MYO16: variants seen among roughly 807,000 people sequenced by gnomAD.
MYO16 encodes unconventional myosin-XVI.
Under a neutral mutation model 205.3 loss-of-function variants are expected in MYO16, and 94 were observed. The observed-to-expected ratio is 0.46, with a 90% CI of 0.39 to 0.54. The LOEUF (loss-of-function observed/expected upper bound fraction) is 0.54. Ranked by LOEUF, MYO16 falls within the 20% of genes least tolerant of loss-of-function variation. MYO16 has a pLI of 0.00. For missense variants in MYO16, 2,315 were observed against 2,387.5 expected, an observed-to-expected ratio of 0.97 and a Z score of 0.63; for synonymous variants, 988 against 954.0, an observed-to-expected ratio of 1.04 and a Z score of -0.66.
intron 23 of MYO16, among the ~76,000 whole-genome samples, chr13:109,022,384 A>T (rs62647036): frequency 0.52 from 51,710 of 100,388 alleles, 12,863 homozygotes; most frequent in East Asian, 0.7. Flanking sequence ...TATATATACA[A>T]ATATACATAT....
intron 32 of MYO16, among the ~76,000 whole-genome samples, chr13:109,146,547 T>G (rs1877339982): frequency 6.6e-6 from 1 of 151,242 alleles, no homozygotes; most frequent in Non-Finnish European, 1.5e-5. Context: ...CTTTGGGAGG[T>G]TGAGGTGGAA....
At chr13:108,636,835 T>C (rs1161674221) in intron 1 of MYO16, among the ~76,000 whole-genome samples, 1 of 152,232 alleles carries the variant, frequency 6.6e-6, no homozygotes, top group Non-Finnish European at 1.5e-5. Flanking sequence ...AAACTGAGAC[T>C]AATCTTTATG....
At chr13:108,965,043 G>A (rs1883738465) in intron 20 of MYO16, 141 bp downstream of exon 20, 1 of 925,106 alleles carries the variant, frequency 1.1e-6, no homozygotes, top group East Asian at 2.7e-5. Flanking sequence ...AAGGTAATCT[G>A]ACTTGATGGG....
At chr13:108,505,280 G>A in the MYO16 span, among the ~76,000 whole-genome samples, 1 of 152,138 alleles carries the variant, frequency 6.6e-6, no homozygotes, top group South Asian at 2.1e-4. Context: ...CACTAAAAGT[G>A]CACAAGAGTT....
intron 18 of MYO16, 59 bp downstream of exon 18, chr13:108,961,715 C>A (rs1883590467): frequency 1.5e-6 from 2 of 1,339,590 alleles, no homozygotes; most frequent in Non-Finnish European, 2.1e-6. Context: ...TGTAGATCTA[C>A]CAGTAGATGG....
chr13:108,937,497 A>G (rs1882542038), intron 16 of MYO16, among the ~76,000 whole-genome samples: 1 of 152,182 alleles, frequency 6.6e-6, no homozygotes. Context: ...TCTTTCAGAA[A>G]TGCCAGTAAT....
chr13:109,033,912 C>A (rs765314691), intron 23 of MYO16, among the ~76,000 whole-genome samples: 3 of 152,098 alleles, frequency 2.0e-5, no homozygotes, highest in Non-Finnish European at 4.4e-5. Context: ...AAGATAATTA[C>A]CAAAACTTGG....
intron 4 of MYO16, among the ~76,000 whole-genome samples, chr13:108,734,693 C>T (rs118032284): frequency 6.5e-4 from 99 of 152,348 alleles, no homozygotes; most frequent in Middle Eastern, 3.4e-3. Context: ...TCAATGCTGC[C>T]GCCACCCACT....
At chr13:108,789,574 G>C (rs539343400) in intron 5 of MYO16, among the ~76,000 whole-genome samples, 2 of 152,176 alleles carry the variant, frequency 1.3e-5, no homozygotes, top group African/African-American at 4.8e-5. Context: ...GTCGCAAGTC[G>C]TGCCTGCTGT....
intron 29 of MYO16, among the ~76,000 whole-genome samples, chr13:109,122,585 G>A (rs1414647147): frequency 6.6e-6 from 1 of 151,840 alleles, no homozygotes; most frequent in African/African-American, 2.4e-5. Flanking sequence ...GGCTAAGGCA[G>A]GAGAACCACT....
At chr13:108,781,053 T>G (rs995656506) in intron 4 of MYO16, among the ~76,000 whole-genome samples, 2 of 152,218 alleles carry the variant, frequency 1.3e-5, no homozygotes, top group African/African-American at 2.4e-5. Flanking sequence ...CAATGCCAAG[T>G]TCCTTTTCTA....
chr13:108,648,237 C>T (rs1407686485), intron 1 of MYO16, among the ~76,000 whole-genome samples: 1 of 152,182 alleles, frequency 6.6e-6, no homozygotes, highest in Non-Finnish European at 1.5e-5. Flanking sequence ...GCTCCCTGGT[C>T]CTTCTCTGGC....
chr13:108,840,245 G>A (rs1365373828), intron 9 of MYO16, among the ~76,000 whole-genome samples: 1 of 152,094 alleles, frequency 6.6e-6, no homozygotes, highest in Non-Finnish European at 1.5e-5. Context: ...TTCAAACTAA[G>A]GAAAACTCAC....
At chr13:108,990,851 T>C (rs1443908007) in intron 20 of MYO16, among the ~76,000 whole-genome samples, 1 of 152,184 alleles carries the variant, frequency 6.6e-6, no homozygotes, top group East Asian at 1.9e-4. Flanking sequence ...ATTGAAGTGA[T>C]GTATTATAGA....
intron 2 of MYO16, 128 bp from the exon 3 acceptor site, chr13:108,712,533 C>G: frequency 2.6e-6 from 2 of 780,062 alleles, no homozygotes; most frequent in Non-Finnish European, 4.6e-6. Context: ...GGTCAGATGG[C>G]ACAGAAGCCG....
At chr13:108,641,678 C>T (rs1309873430) in intron 1 of MYO16, among the ~76,000 whole-genome samples, 3 of 152,082 alleles carry the variant, frequency 2.0e-5, no homozygotes, top group East Asian at 1.9e-4. Flanking sequence ...TTTGGAGAAC[C>T]GAGTTGAGAT....
rs576691885 is a variant in MYO16 at position 109,059,607 on chromosome 13, G to C, written c.3335+4012G>C. Among the ~76,000 whole-genome samples the C allele has an allele frequency of 3.1e-3, 470 of 152,176 alleles. 3 individuals are homozygous for C. Among genetic ancestry groups the C allele is most frequent in the African/African-American group, 0.011 (457 of 41,522 alleles). ...TATGATTCACCCACTTTTTGATGGG[G>C]TTGCTTTTTTCTTGTAAATTTGTTT... On this transcript the variant is annotated intron_variant, in intron 27 of 34. Coordinates refer to ENST00000457511, the MANE Select transcript of MYO16 (RefSeq NM_001198950.3).
chr13:108,783,128 A>G (rs9587684), intron 4 of MYO16, among the ~76,000 whole-genome samples: 26,751 of 152,086 alleles, frequency 0.18, 2,631 homozygotes, highest in Middle Eastern at 0.22. Context: ...AGCCACAGAC[A>G]CTCAACACTA....
At chr13:108,842,114 C>CA (rs900505881) in intron 9 of MYO16, among the ~76,000 whole-genome samples, 2 of 151,462 alleles carry the variant, frequency 1.3e-5, no homozygotes, top group Admixed American at 6.6e-5. Context: ...CCATAAACCT[C>CA]AAAAAAAATC....
Sources: gnomAD v4.1 joint callset for allele counts (sites outside exome capture counted in the v4.1 genomes callset) on GRCh38, gnomAD v4.1.1 for gene constraint, MANE v1.5 for transcripts, NCBI Gene and HGNC (gene_info 2026-07-23, HGNC 2026-07-21) for gene names.